The following CAB39 variants were observed in gnomAD, a reference collection of about 807,000 sequenced individuals.
CAB39 encodes calcium-binding protein 39.
A neutral mutation model predicts 40.0 loss-of-function variants in CAB39; 8 were observed. That is an observed-to-expected ratio of 0.20 (90% CI 0.12 to 0.36). CAB39 has a LOEUF of 0.36. CAB39 is among the 10% of genes least tolerant of loss of function. CAB39 has a pLI of 1.00. For missense variants in CAB39, 270 were observed against 401.1 expected (o/e 0.67, Z 2.79); for synonymous variants, 156 against 141.6 (o/e 1.10, Z -0.72).
intron 1 of CAB39, among the ~76,000 whole-genome samples, chr2:230,724,696 C>T (rs1390125399): frequency 7.3e-6 from 1 of 136,658 alleles, no homozygotes; most frequent in African/African-American, 2.9e-5. Context: ...AAAACACACA[C>T]GCTCACCAAA....
At chr2:230,748,867 T>TATATATATATATATATATAA (rs1285999189) in intron 1 of CAB39, among the ~76,000 whole-genome samples, 2 of 109,786 alleles carry the variant, frequency 1.8e-5, no homozygotes, top group Non-Finnish European at 3.8e-5. Flanking sequence ...TATATATATA[T>TATATATATATATATATATAA]AACAAAATGG....
chr2:230,799,904 C>T (rs971918670), intron 5 of CAB39, among the ~76,000 whole-genome samples: 8 of 151,756 alleles, frequency 5.3e-5, no homozygotes, highest in South Asian at 4.2e-4. Flanking sequence ...GCAGGAGAAT[C>T]GCTTGAACCC....
At chr2:230,763,770 A>G in intron 2 of CAB39, among the ~76,000 whole-genome samples, 1 of 152,212 alleles carries the variant, frequency 6.6e-6, no homozygotes, top group Non-Finnish European at 1.5e-5. Flanking sequence ...TATACTCTGT[A>G]CTTTGAACGA....
At chr2:230,718,353 C>G (rs1483591142) in intron 1 of CAB39, among the ~76,000 whole-genome samples, 1 of 152,212 alleles carries the variant, frequency 6.6e-6, no homozygotes, top group Non-Finnish European at 1.5e-5. Flanking sequence ...TTGTCTCCCT[C>G]CACAGTAGAT....
chr2:230,746,345 C>T (rs1241587613), intron 1 of CAB39, among the ~76,000 whole-genome samples: 1 of 152,118 alleles, frequency 6.6e-6, no homozygotes, highest in Non-Finnish European at 1.5e-5. Flanking sequence ...TTAGGGAGTA[C>T]ACATCACAGT....
chr2:230,762,822 C>T (rs566306547), intron 2 of CAB39, among the ~76,000 whole-genome samples: 3 of 152,252 alleles, frequency 2.0e-5, no homozygotes, highest in Admixed American at 6.5e-5. Flanking sequence ...TCGTAGCTTC[C>T]GTTCTAATTA....
At chr2:230,714,400 A>G (rs1174373428) in intron 1 of CAB39, among the ~76,000 whole-genome samples, 1 of 152,236 alleles carries the variant, frequency 6.6e-6, no homozygotes, top group Non-Finnish European at 1.5e-5. Flanking sequence ...AAGTAAATCC[A>G]TGCCCAGGCT....
At chr2:230,782,591 A>G (rs1369838572) in intron 2 of CAB39, among the ~76,000 whole-genome samples, 1 of 152,088 alleles carries the variant, frequency 6.6e-6, no homozygotes, top group Non-Finnish European at 1.5e-5. Context: ...ACTGAGTTTG[A>G]TGTGTATTCT....
At chr2:230,718,472 G>C (rs114148653) in intron 1 of CAB39, among the ~76,000 whole-genome samples, 3,256 of 152,296 alleles carry the variant, frequency 0.021, 127 homozygotes, top group African/African-American at 0.075. Flanking sequence ...GAGAGGTAGT[G>C]TTAGCCAGTG....
intron 1 of CAB39, chr2:230,752,033 C>CG (rs1274874246): frequency 1.3e-5 from 1 of 78,046 alleles, no homozygotes; most frequent in East Asian, 4.5e-4. Flanking sequence ...CTGACCACCC[C>CG]CCCCCCCCCC....
chr2:230,735,774 C>A (rs139636773), intron 1 of CAB39, among the ~76,000 whole-genome samples: 85 of 152,264 alleles, frequency 5.6e-4, no homozygotes, highest in African/African-American at 2.0e-3. Flanking sequence ...CTCAGCCTCC[C>A]AAAGTGCTGG....
intron 1 of CAB39, among the ~76,000 whole-genome samples, chr2:230,723,641 A>G (rs1218051910): frequency 6.6e-6 from 1 of 152,006 alleles, no homozygotes; most frequent in Non-Finnish European, 1.5e-5. Context: ...CCCCCTGCCT[A>G]CTGGTTGGGC....
chr2:230,764,859 A>T (rs1225963725), intron 2 of CAB39, among the ~76,000 whole-genome samples: 1 of 152,262 alleles, frequency 6.6e-6, no homozygotes, highest in Non-Finnish European at 1.5e-5. Flanking sequence ...TTCTATAAGG[A>T]GCCAAAGGTA....
intron 1 of CAB39, among the ~76,000 whole-genome samples, chr2:230,757,821 C>T (rs1432683995): frequency 1.3e-5 from 2 of 152,080 alleles, no homozygotes; most frequent in African/African-American, 4.8e-5. Context: ...CCCCCACCCC[C>T]TGCCGCCCAC....
Position 230,797,833 on chromosome 2 carries a change from ACT to A in CAB39, c.399-893_399-892del, listed in dbSNP as rs564025690. 3.8e-4 allele frequency among the ~76,000 whole-genome samples: 58 copies of A among 151,950 alleles called. No homozygotes were observed. The Middle Eastern group carries it at 0.014, about 36-fold the overall frequency. On this transcript the variant is annotated intron_variant, in intron 4 of 8. Coordinates refer to ENST00000258418, the MANE Select transcript of CAB39 (RefSeq NM_016289.4). ...CACTGTCAGGACACTTGAGTAGAAG[ACT>A]CTATTTAGCCAAGAGGGAATCTTTG...
At chr2:230,788,290 A>G (rs1047088173) in intron 2 of CAB39, among the ~76,000 whole-genome samples, 3 of 149,704 alleles carry the variant, frequency 2.0e-5, no homozygotes, top group African/African-American at 7.4e-5. Context: ...TATAGTATAC[A>G]CCTTTAACTT....
intron 8 of CAB39, 140 bp downstream of exon 8, chr2:230,818,037 T>C: frequency 2.6e-6 from 2 of 758,764 alleles, no homozygotes; most frequent in South Asian, 3.8e-5. Flanking sequence ...ATTTGTGTGC[T>C]ATGACTTTTA....
intron 1 of CAB39, chr2:230,725,318 A>C: frequency 6.4e-7 from 1 of 1,574,036 alleles, no homozygotes; most frequent in Admixed American, 1.7e-5. Context: ...CTTGCCCAGG[A>C]CTTCACCAAT....
intron 2 of CAB39, among the ~76,000 whole-genome samples, chr2:230,764,870 C>G (rs1321996393): frequency 6.6e-6 from 1 of 152,184 alleles, no homozygotes; most frequent in Non-Finnish European, 1.5e-5. Flanking sequence ...GCCAAAGGTA[C>G]TTTATATGTA....
Sources: gnomAD v4.1 joint callset for allele counts (sites outside exome capture counted in the v4.1 genomes callset) on GRCh38, gnomAD v4.1.1 for gene constraint, MANE v1.5 for transcripts, NCBI Gene and HGNC (gene_info 2026-07-23, HGNC 2026-07-21) for gene names.